The following GRID2 variants were observed in gnomAD, a reference collection of about 807,000 sequenced individuals.
The protein encoded by GRID2 is glutamate receptor ionotropic, delta-2.
In GRID2, 33 loss-of-function variants were observed where a neutral mutation model predicts 114.8. The observed-to-expected ratio is 0.29, with a 90% CI of 0.22 to 0.38. The LOEUF (loss-of-function observed/expected upper bound fraction) is 0.38. GRID2 is among the 10% of genes least tolerant of loss of function. GRID2 has a pLI of 1.00. For missense variants in GRID2, 1,184 were observed against 1,257.7 expected, an observed-to-expected ratio of 0.94 and a Z score of 0.89; for synonymous variants, 505 against 449.9, an observed-to-expected ratio of 1.12 and a Z score of -1.55.
intron 8 of GRID2, among the ~76,000 whole-genome samples, chr4:93,280,153 G>A (rs1206927999): frequency 2.6e-5 from 4 of 151,914 alleles, no homozygotes; most frequent in African/African-American, 9.7e-5. Flanking sequence ...AAGGTTGAGA[G>A]ATAGAGAACA....
At chr4:92,902,672 G>A (rs2149481966) in intron 2 of GRID2, among the ~76,000 whole-genome samples, 1 of 152,088 alleles carries the variant, frequency 6.6e-6, no homozygotes, top group East Asian at 1.9e-4. Flanking sequence ...CTTTGTATAT[G>A]TGAGATGTAG....
At chr4:93,725,806 C>A (rs1729823492) in intron 14 of GRID2, among the ~76,000 whole-genome samples, 1 of 152,092 alleles carries the variant, frequency 6.6e-6, no homozygotes, top group Admixed American at 6.5e-5. Context: ...TGTTCATGTC[C>A]TTCGCCCACT....
intron 11 of GRID2, among the ~76,000 whole-genome samples, chr4:93,462,081 T>C (rs775565136): frequency 5.9e-5 from 9 of 152,182 alleles, no homozygotes; most frequent in South Asian, 2.1e-4. Context: ...CAACCACATA[T>C]ATGTTTATTT....
intron 13 of GRID2, among the ~76,000 whole-genome samples, chr4:93,563,289 A>G (rs1328571958): frequency 6.6e-6 from 1 of 151,934 alleles, no homozygotes; most frequent in Non-Finnish European, 1.5e-5. Context: ...AATATCCTTT[A>G]TATTTTCTTA....
intron 14 of GRID2, among the ~76,000 whole-genome samples, chr4:93,746,640 C>G (rs532812689): frequency 6.6e-6 from 1 of 152,128 alleles, no homozygotes; most frequent in South Asian, 2.1e-4. Context: ...AAAAAGAAAA[C>G]CTCAAAGCAT....
At chr4:93,276,421 TC>T (rs1257906624) in intron 8 of GRID2, among the ~76,000 whole-genome samples, 1 of 152,004 alleles carries the variant, frequency 6.6e-6, no homozygotes, top group African/African-American at 2.4e-5. Flanking sequence ...TCATGTTGAC[TC>T]TTCTGAGTCT....
chr4:92,947,451 G>A (rs1475962634), intron 2 of GRID2, among the ~76,000 whole-genome samples: 2 of 151,880 alleles, frequency 1.3e-5, no homozygotes, highest in Non-Finnish European at 2.9e-5. Flanking sequence ...ATTTTGTATA[G>A]TAGTGACATA....
intron 2 of GRID2, among the ~76,000 whole-genome samples, chr4:93,062,165 G>T (rs1336304882): frequency 6.6e-6 from 1 of 152,058 alleles, no homozygotes; most frequent in Non-Finnish European, 1.5e-5. Context: ...AGGGATTTGA[G>T]CTTAAGGTTT....
intron 1 of GRID2, among the ~76,000 whole-genome samples, chr4:92,541,158 G>C (rs1468834380): frequency 2.6e-5 from 4 of 152,074 alleles, no homozygotes; most frequent in African/African-American, 9.7e-5. Flanking sequence ...TGGGGAGAGG[G>C]GGGAGGGATA....
chr4:92,857,034 T>C (rs949757058), intron 2 of GRID2, among the ~76,000 whole-genome samples: 25 of 152,198 alleles, frequency 1.6e-4, no homozygotes, highest in African/African-American at 6.0e-4. Flanking sequence ...GATACTGTTA[T>C]AATTGTTTTG....
intron 1 of GRID2, among the ~76,000 whole-genome samples, chr4:93,800,807 AT>A (rs1052876845): frequency 2.0e-5 from 3 of 151,154 alleles, no homozygotes; most frequent in Non-Finnish European, 4.4e-5. Context: ...AATTGAATCA[AT>A]TTTCTTTCTT....
At chr4:92,328,411 A>T (rs1726704912) in intron 1 of GRID2, among the ~76,000 whole-genome samples, 1 of 152,076 alleles carries the variant, frequency 6.6e-6, no homozygotes, top group South Asian at 2.1e-4. Context: ...AAGTAATCAC[A>T]GCATAACGGA....
At chr4:92,814,359 G>A (rs182638012) in intron 2 of GRID2, among the ~76,000 whole-genome samples, 11 of 152,226 alleles carry the variant, frequency 7.2e-5, no homozygotes, top group African/African-American at 2.6e-4. Context: ...AAAGAATATA[G>A]TAATAATAAT....
At chr4:93,654,470 T>C (rs1255300367) in intron 14 of GRID2, among the ~76,000 whole-genome samples, 1 of 152,206 alleles carries the variant, frequency 6.6e-6, no homozygotes, top group African/African-American at 2.4e-5. Flanking sequence ...GTCAGTCACT[T>C]GCAATATTTC....
chr4:92,846,240 T>A (rs1453092305), intron 2 of GRID2, among the ~76,000 whole-genome samples: 1 of 152,056 alleles, frequency 6.6e-6, no homozygotes, highest in Non-Finnish European at 1.5e-5. Flanking sequence ...GATGCTGAAC[T>A]TTGGAGTACA....
intron 8 of GRID2, among the ~76,000 whole-genome samples, chr4:93,384,004 T>G (rs556620399): frequency 2.6e-5 from 4 of 152,152 alleles, no homozygotes; most frequent in Non-Finnish European, 4.4e-5. Flanking sequence ...TCATAAATAG[T>G]AGTAATTTAT....
chr4:93,453,345 AGAGAGAGAGAGAGAGT>A (rs1354739452), intron 10 of GRID2, among the ~76,000 whole-genome samples: 2 of 149,994 alleles, frequency 1.3e-5, no homozygotes, highest in East Asian at 2.0e-4. Context: ...AGAGAGAGAG[AGAGAGAGAGAGAGAGT>A]GTGTGTATTT....
At chr4:93,367,385 T>C (rs1330473387) in intron 8 of GRID2, among the ~76,000 whole-genome samples, 1 of 152,066 alleles carries the variant, frequency 6.6e-6, no homozygotes, top group East Asian at 1.9e-4. Flanking sequence ...TTCCCCAATC[T>C]ATTGGACTCT....
At chr4:93,522,772 G>A (rs1730465186) in intron 13 of GRID2, among the ~76,000 whole-genome samples, 1 of 152,116 alleles carries the variant, frequency 6.6e-6, no homozygotes, top group Admixed American at 6.6e-5. Context: ...CACGTTTGAA[G>A]TTGAAATGAT....
Sources: gnomAD v4.1 joint callset for allele counts (sites outside exome capture counted in the v4.1 genomes callset) on GRCh38, gnomAD v4.1.1 for gene constraint, MANE v1.5 for transcripts, NCBI Gene and HGNC (gene_info 2026-07-23, HGNC 2026-07-21) for gene names.